Variants in RPS6KB1 observed in about 807,000 individuals in gnomAD.
The protein encoded by RPS6KB1 is ribosomal protein S6 kinase B1.
Under a neutral mutation model 70.2 loss-of-function variants are expected in RPS6KB1, and 12 were observed. That is an observed-to-expected ratio of 0.17 (90% CI 0.11 to 0.28). The LOEUF (loss-of-function observed/expected upper bound fraction) is 0.28. Ranked by LOEUF, RPS6KB1 falls within the 10% of genes least tolerant of loss-of-function variation. RPS6KB1 has a pLI of 1.00. For synonymous variants in RPS6KB1, 175 were observed against 211.2 expected (o/e 0.83, Z 1.49); for missense variants, 270 against 646.6 (o/e 0.42, Z 6.32).
At chr17:59,936,156 G>GAA in intron 10 of RPS6KB1, 59 bp from the exon 11 acceptor site, 26 of 1,204,450 alleles carry the variant, frequency 2.2e-5, no homozygotes, top group South Asian at 4.6e-5. Flanking sequence ...GTCTAAAAAG[G>GAA]AAAAAAAAAA....
At chr17:59,918,187 C>T (rs2043066816) in intron 4 of RPS6KB1, among the ~76,000 whole-genome samples, 2 of 152,124 alleles carry the variant, frequency 1.3e-5, no homozygotes, top group African/African-American at 2.4e-5. Context: ...CCGCCTTGGC[C>T]TCCTGAAGTG....
At chr17:59,900,850 A>C (rs1230971923) in intron 1 of RPS6KB1, among the ~76,000 whole-genome samples, 1 of 151,954 alleles carries the variant, frequency 6.6e-6, no homozygotes, top group Non-Finnish European at 1.5e-5. Flanking sequence ...AGCCATCACC[A>C]AAATTAGGTT....
At chr17:59,925,607 A>C (rs2043559763) in intron 4 of RPS6KB1, among the ~76,000 whole-genome samples, 1 of 151,856 alleles carries the variant, frequency 6.6e-6, no homozygotes, top group Non-Finnish European at 1.5e-5. Context: ...TGTGTCTTTC[A>C]TAAAGCCAAA....
Position 59,893,370 on chromosome 17 carries a change from C to A in RPS6KB1, c.141+45C>A. ...GGGGCCCGAGGTGACAGGGCCGGGG[C>A]GGCGGCGCGGGCTCAGGAAGCGCGG... On this transcript the variant is annotated intron_variant, in intron 1 of 14. Coordinates refer to ENST00000225577, the MANE Select transcript of RPS6KB1 (RefSeq NM_003161.4). This position sits in a 1 kb window ranked among gnomAD's most constrained non-coding sequence, Gnocchi z 4.1. 6.4e-7 allele frequency: 1 copy of A among 1,553,574 alleles called. No individual in the cohort carries two copies. Among genetic ancestry groups the A allele is most frequent in the Non-Finnish European group, 8.7e-7 (1 of 1,145,760 alleles).
In RPS6KB1 at chr17:59,893,792, C is replaced by T; in HGVS notation, c.141+467C>T. The T allele has an allele frequency of 1.0e-6, 1 of 990,030 alleles. No individual in the cohort carries two copies. Among genetic ancestry groups the T allele is most frequent in the African/African-American group, 1.7e-5 (1 of 57,380 alleles). 61.3% of individuals were successfully genotyped at this position (990,030 alleles called of 1,614,324 possible). On this transcript the variant is annotated intron_variant, in intron 1 of 14. Coordinates refer to ENST00000225577, the MANE Select transcript of RPS6KB1 (RefSeq NM_003161.4). The surrounding 1 kb of genome is among the most constrained non-coding windows in gnomAD (Gnocchi z 4.1). ...CTCTTCTCGGCCTGTCGCTTCTCTCCTAGGAAGCGCTCAGCTGTTAGAAGT... is the reference window on the plus strand; with the variant it reads ...CTCTTCTCGGCCTGTCGCTTCTCTCTTAGGAAGCGCTCAGCTGTTAGAAGT...
At chr17:59,921,858 A>G (rs2043282720) in intron 4 of RPS6KB1, among the ~76,000 whole-genome samples, 1 of 152,162 alleles carries the variant, frequency 6.6e-6, no homozygotes, top group Non-Finnish European at 1.5e-5. Context: ...GCGGTTTCAT[A>G]GAACAATAAC....
intron 12 of RPS6KB1, among the ~76,000 whole-genome samples, chr17:59,938,745 T>TG (rs2044405117): frequency 2.2e-4 from 19 of 85,294 alleles, no homozygotes; most frequent in Non-Finnish European, 2.7e-5. Context: ...GTGTGTGTGT[T>TG]TAAGTGATGT....
At chr17:59,920,496 T>C (rs34687426) in intron 4 of RPS6KB1, among the ~76,000 whole-genome samples, 19,958 of 152,206 alleles carry the variant, frequency 0.13, 1,572 homozygotes, top group Middle Eastern at 0.22. Context: ...CACAATTTTA[T>C]TGGTAATTGT....
chr17:59,909,086 C>T (rs1281477445), intron 1 of RPS6KB1, among the ~76,000 whole-genome samples: 1 of 150,634 alleles, frequency 6.6e-6, no homozygotes, highest in Admixed American at 6.6e-5. Flanking sequence ...GCCACCACGG[C>T]CGACTAATTT....
chr17:59,939,212 T>C (rs2044435531), intron 12 of RPS6KB1, among the ~76,000 whole-genome samples: 1 of 152,260 alleles, frequency 6.6e-6, no homozygotes, highest in African/African-American at 2.4e-5. Flanking sequence ...TTTTTTAGTA[T>C]ATTATGAACT....
At chr17:59,918,094 C>T (rs372223912) in intron 4 of RPS6KB1, among the ~76,000 whole-genome samples, 3 of 151,534 alleles carry the variant, frequency 2.0e-5, no homozygotes, top group South Asian at 4.2e-4. Flanking sequence ...CCACCATGCC[C>T]GGCTAATTTT....
rs1193783228 is a variant in RPS6KB1 at position 59,948,505 on chromosome 17, C to T, written c.*1717C>T. ...TGAATTCAGTCAGAAAAGAGCAAGG[C>T]TTTGCTTTTTGAAATTGCAACTCAA... On this transcript the variant is annotated 3_prime_UTR_variant, in exon 15 of 15. Coordinates refer to ENST00000225577, the MANE Select transcript of RPS6KB1 (RefSeq NM_003161.4). The T allele has an allele frequency of 6.6e-6, 1 of 152,526 alleles. No individual in the cohort carries two copies. The highest frequency in any genetic ancestry group is 2.4e-5 in the African/African-American group (1 of 41,410). 9.4% of individuals were successfully genotyped at this position (152,526 alleles called of 1,614,324 possible). A position where few individuals can be genotyped will look rare whatever the true frequency, so the allele number is the denominator to read the frequency against.
intron 1 of RPS6KB1, among the ~76,000 whole-genome samples, chr17:59,902,178 C>T (rs914664946): frequency 1.4e-5 from 2 of 139,232 alleles, no homozygotes; most frequent in Admixed American, 7.8e-5. Flanking sequence ...GATCTCTGCT[C>T]ACTGCAACCT....
At chr17:59,910,726 T>C in intron 2 of RPS6KB1, 115 bp downstream of exon 2, 2 of 674,464 alleles carry the variant, frequency 3.0e-6, no homozygotes, top group East Asian at 2.9e-5. Flanking sequence ...TATGTAGTCA[T>C]ATTTATCAAC....
At chr17:59,917,892 A>G (rs2043048915) in intron 4 of RPS6KB1, among the ~76,000 whole-genome samples, 1 of 151,926 alleles carries the variant, frequency 6.6e-6, no homozygotes, top group Admixed American at 6.6e-5. Flanking sequence ...AATTTTTCTT[A>G]TCTTTTCCAC....
At chr17:59,919,352 C>T (rs895402994) in intron 4 of RPS6KB1, among the ~76,000 whole-genome samples, 5 of 152,006 alleles carry the variant, frequency 3.3e-5, no homozygotes, top group Admixed American at 2.0e-4. Context: ...GGTTTGGGGG[C>T]GCTGAGGCAG....
chr17:59,942,360 C>T (rs1368254469), intron 13 of RPS6KB1, among the ~76,000 whole-genome samples: 1 of 152,160 alleles, frequency 6.6e-6, no homozygotes, highest in Non-Finnish European at 1.5e-5. Context: ...AGCTTGTCTC[C>T]TCAGAAAAGT....
At position 59,936,217 on chromosome 17, in the gene RPS6KB1, G is replaced by C; in HGVS notation, c.981G>C (p.Leu327=). Reference sequence around the variant, plus strand: ...CAAGCTTTTTTTCCTCTTTAAAGCTGCTGAAAAGAAATGCTGCTTCTCGTC... The same window carrying C: ...CAAGCTTTTTTTCCTCTTTAAAGCTCCTGAAAAGAAATGCTGCTTCTCGTC... ...TQEARDLLKK[L]LKRNAASRLG... is the part of the protein sequence containing the mutation. The change falls in exon 11 of 15, where the codon CTG becomes CTC. Residue 327 remains leucine, a splice_region_variant and synonymous_variant. Transcript: ENST00000225577. 6.3e-7 allele frequency: 1 copy of C among 1,594,352 alleles called. No homozygotes were observed. Among genetic ancestry groups the C allele is most frequent in the Non-Finnish European group, 8.5e-7 (1 of 1,175,348 alleles).
Position 59,947,741 on chromosome 17 carries a change from G to A in RPS6KB1, c.*953G>A. 1.6e-6 allele frequency: 1 copy of A among 608,632 alleles called. No homozygotes were observed. The highest frequency in any genetic ancestry group is 2.1e-5 in the South Asian group (1 of 48,150). The allele number at this position is 608,632 out of a possible 1,614,324, so 37.7% of individuals were successfully genotyped here. A position where few individuals can be genotyped will look rare whatever the true frequency, so the allele number is the denominator to read the frequency against. The stretch of plus-strand genomic sequence containing the variant: ...TGGTTCAAGACACCAAATGTCTTCA[G>A]CCCATGGCTGAAGAACAACAGAAGA... On this transcript the variant is annotated 3_prime_UTR_variant, in exon 15 of 15. Coordinates refer to ENST00000225577, the MANE Select transcript of RPS6KB1 (RefSeq NM_003161.4).
Sources: allele counts gnomAD v4.1 joint callset (sites outside exome capture counted in the v4.1 genomes callset), GRCh38; gene constraint gnomAD v4.1.1; non-coding constraint Gnocchi (gnomAD v3.1); transcripts MANE v1.5; gene names NCBI Gene and HGNC (gene_info 2026-07-23, HGNC 2026-07-21).